The following G2E3 variants were observed in gnomAD, a reference collection of about 807,000 sequenced individuals.
The protein encoded by G2E3 is G2/M-phase specific E3 ubiquitin protein ligase.
In G2E3, 35 loss-of-function variants were observed where a neutral mutation model predicts 92.8. The ratio of observed to expected loss-of-function variants is 0.38; its 90% CI spans 0.29 to 0.50. G2E3 has a LOEUF of 0.50. G2E3 is among the 20% of genes least tolerant of loss of function. G2E3 has a pLI of 0.94. For synonymous variants in G2E3, 242 were observed against 272.4 expected (o/e 0.89, Z 1.10); for missense variants, 554 against 823.8 (o/e 0.67, Z 4.01).
chr14:30,560,853 A>G (rs1360973810), intron 1 of G2E3: 1 of 699,214 alleles, frequency 1.4e-6, no homozygotes. Context: ...GTTAGAAAAT[A>G]CTGTGAGTTT....
chr14:30,608,171 G>T, intron 12 of G2E3, 102 bp downstream of exon 12: 1 of 657,958 alleles, frequency 1.5e-6, no homozygotes, highest in Non-Finnish European at 2.4e-6. Flanking sequence ...CTATGAAGGA[G>T]TTAGGGATTG....
At chr14:30,588,355 GT>G (rs1171164754) in intron 3 of G2E3, among the ~76,000 whole-genome samples, 3 of 151,860 alleles carry the variant, frequency 2.0e-5, no homozygotes, top group African/African-American at 7.3e-5. Context: ...TGCAGGTTAT[GT>G]TTTCATAACA....
intron 8 of G2E3, among the ~76,000 whole-genome samples, chr14:30,601,245 C>T (rs921000444): frequency 2.0e-5 from 3 of 152,200 alleles, no homozygotes; most frequent in Admixed American, 6.5e-5. Context: ...GACTGGCATA[C>T]ACCACATAAC....
chr14:30,604,927 G>A (rs1399826672), intron 10 of G2E3, among the ~76,000 whole-genome samples: 7 of 151,486 alleles, frequency 4.6e-5, no homozygotes, highest in Non-Finnish European at 1.0e-4. Context: ...ACGGAGTTTC[G>A]CTCTTGTTGC....
Position 30,602,072 on chromosome 14 carries a change from A to G in G2E3, c.951A>G (p.Glu317=). 1 of 1,611,308 alleles carries G rather than the reference A, an allele frequency of 6.2e-7. No homozygotes were observed. Among genetic ancestry groups the G allele is most frequent in the Non-Finnish European group, 8.5e-7 (1 of 1,177,544 alleles). The change falls in exon 10 of 15, where the codon GAA becomes GAG. Residue 317 remains glutamate, a synonymous_variant. Coordinates refer to ENST00000206595, the MANE Select transcript of G2E3 (RefSeq NM_017769.5). ...TGGGGATTACAGATTGTTTGTTGGA[A>G]GAGTCATCACCTAAATTACCCAGAC... The part of the protein sequence containing the change: ...NNVGITDCLL[E]ESSPKLPRQS...
At chr14:30,608,376 A>G (rs1881930589) in intron 12 of G2E3, among the ~76,000 whole-genome samples, 1 of 152,204 alleles carries the variant, frequency 6.6e-6, no homozygotes, top group Non-Finnish European at 1.5e-5. Flanking sequence ...GCTAGAGACA[A>G]CGTGAGGCAG....
chr14:30,594,253 A>G (rs1293117427), intron 6 of G2E3, among the ~76,000 whole-genome samples: 2 of 152,234 alleles, frequency 1.3e-5, no homozygotes, highest in East Asian at 3.8e-4. Flanking sequence ...GATTCCAGTT[A>G]TTAGTAACAT....
intron 8 of G2E3, 75 bp from the exon 9 acceptor site, chr14:30,601,695 G>A: frequency 2.1e-6 from 3 of 1,423,984 alleles, no homozygotes; most frequent in Non-Finnish European, 3.0e-6. Flanking sequence ...AAGAAGGCAG[G>A]CCCTGTGGAC....
At chr14:30,616,196 G>T in intron 14 of G2E3, 82 bp from the exon 15 acceptor site, 1 of 913,558 alleles carries the variant, frequency 1.1e-6, no homozygotes, top group Non-Finnish European at 1.7e-6. Flanking sequence ...AAGTCTATTT[G>T]GAGAAGAATC....
intron 2 of G2E3, among the ~76,000 whole-genome samples, chr14:30,583,492 G>A (rs1446997315): frequency 8.5e-5 from 13 of 152,120 alleles, no homozygotes; most frequent in East Asian, 3.9e-4. Flanking sequence ...TCATAGAAAC[G>A]GTATAGTGCT....
chr14:30,581,938 T>C (rs1020615128), intron 2 of G2E3, among the ~76,000 whole-genome samples: 20 of 152,206 alleles, frequency 1.3e-4, no homozygotes, highest in African/African-American at 4.8e-4. Flanking sequence ...AAATTCACTC[T>C]AAAATTAAAA....
intron 4 of G2E3, 84 bp downstream of exon 4, chr14:30,589,568 A>G (rs1880893878): frequency 1.4e-6 from 1 of 713,526 alleles, no homozygotes; most frequent in Admixed American, 2.3e-5. Context: ...CTGTACTAGA[A>G]ATTTATGACT....
At chr14:30,572,747 A>G (rs1594467891) in intron 1 of G2E3, among the ~76,000 whole-genome samples, 3 of 152,132 alleles carry the variant, frequency 2.0e-5, no homozygotes, top group African/African-American at 7.2e-5. Context: ...AAGAAAAACT[A>G]CCAATGATTG....
At chr14:30,561,341 T>TAATATTTTAAATATTTTA in intron 1 of G2E3, among the ~76,000 whole-genome samples, 1 of 152,208 alleles carries the variant, frequency 6.6e-6, no homozygotes, top group African/African-American at 2.4e-5. Flanking sequence ...TTTAAAAAAG[T>TAATATTTTAAATATTTTA]AATATTTCTT....
At chr14:30,609,724 T>C (rs1882000070) in intron 12 of G2E3, among the ~76,000 whole-genome samples, 1 of 152,174 alleles carries the variant, frequency 6.6e-6, no homozygotes, top group Admixed American at 6.5e-5. Flanking sequence ...CCAGAATTTT[T>C]TGTTTGATTG....
At chr14:30,584,395 G>A (rs1320036589) in intron 2 of G2E3, among the ~76,000 whole-genome samples, 1 of 152,198 alleles carries the variant, frequency 6.6e-6, no homozygotes. Context: ...TGTATATCCA[G>A]GAATAGAATT....
chr14:30,562,170 TGTGGGCGGCAAGCCACCCAG>T (rs1201116194), intron 1 of G2E3, among the ~76,000 whole-genome samples: 1 of 152,154 alleles, frequency 6.6e-6, no homozygotes, highest in Non-Finnish European at 1.5e-5. Context: ...TTTCCTCTTG[TGTGGGCGGCAAGCCACCCAG>T]GTGCCGAGGC....
intron 1 of G2E3, among the ~76,000 whole-genome samples, chr14:30,577,291 T>C (rs1048804087): frequency 1.5e-4 from 23 of 151,012 alleles, no homozygotes; most frequent in African/African-American, 4.6e-4. Flanking sequence ...TTTATTCAAA[T>C]GTTAGCCATC....
chr14:30,604,855 GTGAGAGTT>G (rs1447465392), intron 10 of G2E3, among the ~76,000 whole-genome samples: 1 of 150,574 alleles, frequency 6.6e-6, no homozygotes, highest in Non-Finnish European at 1.5e-5. Context: ...AGCCAGGAAG[GTGAGAGTT>G]TGAGCTTGCT....
Sources: allele counts gnomAD v4.1 joint callset (sites outside exome capture counted in the v4.1 genomes callset), GRCh38; gene constraint gnomAD v4.1.1; transcripts MANE v1.5; gene names NCBI Gene and HGNC (gene_info 2026-07-23, HGNC 2026-07-21).